Variants in PRKD1 observed in about 807,000 individuals in gnomAD.
The protein encoded by PRKD1 is protein kinase D1.
In PRKD1, 63 loss-of-function variants were observed where a neutral mutation model predicts 95.9. The ratio of observed to expected loss-of-function variants is 0.66; its 90% CI spans 0.54 to 0.81. The LOEUF (loss-of-function observed/expected upper bound fraction) is 0.81. Among genes scored for constraint, PRKD1 ranks in the 30% least tolerant of loss-of-function variants. PRKD1 has a pLI of 0.00. For synonymous variants in PRKD1, 425 were observed against 423.1 expected (o/e 1.00, Z -0.05); for missense variants, 1,048 against 1,165.3 (o/e 0.90, Z 1.47).
intron 13 of PRKD1, among the ~76,000 whole-genome samples, chr14:29,613,427 G>A (rs1201127217): frequency 6.6e-6 from 1 of 151,736 alleles, no homozygotes; most frequent in Non-Finnish European, 1.5e-5. Context: ...AAGTTACTAT[G>A]TCTTTTAAAC....
At chr14:29,886,133 G>A (rs74761726) in intron 1 of PRKD1, among the ~76,000 whole-genome samples, 2,138 of 152,194 alleles carry the variant, frequency 0.014, 49 homozygotes, top group African/African-American at 0.049. Context: ...ATTAAATGAC[G>A]GAAGGAGGAA....
At chr14:29,888,877 A>G (rs1261170890) in intron 1 of PRKD1, among the ~76,000 whole-genome samples, 3 of 152,234 alleles carry the variant, frequency 2.0e-5, no homozygotes, top group Non-Finnish European at 2.9e-5. Flanking sequence ...ACAGAAAAGC[A>G]TAAGACTTTG....
intron 17 of PRKD1, among the ~76,000 whole-genome samples, chr14:29,578,028 G>A (rs1892619720): frequency 6.6e-6 from 1 of 151,690 alleles, no homozygotes; most frequent in South Asian, 2.1e-4. Context: ...TTGCCTTTTG[G>A]TTTTGGGCTG....
intron 13 of PRKD1, among the ~76,000 whole-genome samples, chr14:29,615,490 C>T (rs1046653623): frequency 3.9e-5 from 6 of 152,180 alleles, no homozygotes; most frequent in African/African-American, 7.2e-5. Flanking sequence ...GGTGGTTGCT[C>T]GGCCTAATGG....
chr14:29,733,019 T>G (rs1247739065), intron 1 of PRKD1, among the ~76,000 whole-genome samples: 1 of 151,520 alleles, frequency 6.6e-6, no homozygotes, highest in Non-Finnish European at 1.5e-5. Context: ...TTTTTGTCTT[T>G]AGGGGAGGTT....
At chr14:29,877,694 C>G (rs1893349636) in intron 1 of PRKD1, among the ~76,000 whole-genome samples, 1 of 152,170 alleles carries the variant, frequency 6.6e-6, no homozygotes, top group Non-Finnish European at 1.5e-5. Context: ...CAGTTTCACT[C>G]TTCTGCATAT....
chr14:29,927,406 GCGGGCC>G lies in PRKD1; in HGVS notation c.101_106del (p.Gly34_Pro35del). 4.0e-6 allele frequency: 6 copies of G among 1,509,324 alleles called. No homozygotes were observed. Among genetic ancestry groups the G allele is most frequent in the Non-Finnish European group, 5.3e-6 (6 of 1,130,912 alleles). The allele number at this position is 1,509,324 out of a possible 1,614,324, so 93.5% of individuals were successfully genotyped here. A position where few individuals can be genotyped will look rare whatever the true frequency, so the allele number is the denominator to read the frequency against. On this transcript the variant is annotated inframe_deletion, in exon 1 of 18. Coordinates refer to ENST00000331968, the MANE Select transcript of PRKD1 (RefSeq NM_002742.3). ...GGCCGCGACAGGAGCCAAGAACGGC[GCGGGCC>G]CGGGCCCGGACCCTGGGACCAGTGC...
At chr14:29,884,449 AATT>A (rs1421110780) in intron 1 of PRKD1, among the ~76,000 whole-genome samples, 12 of 152,170 alleles carry the variant, frequency 7.9e-5, no homozygotes, top group Non-Finnish European at 7.3e-5. Flanking sequence ...AAGGGATATA[AATT>A]ATTTTTTCTG....
chr14:29,761,208 T>G (rs1395555086), intron 1 of PRKD1, among the ~76,000 whole-genome samples: 1 of 152,226 alleles, frequency 6.6e-6, no homozygotes, highest in Non-Finnish European at 1.5e-5. Flanking sequence ...TTAAGTATAT[T>G]TTGATAAAGA....
chr14:29,785,263 G>A (rs754266956), intron 1 of PRKD1, among the ~76,000 whole-genome samples: 17 of 152,044 alleles, frequency 1.1e-4, no homozygotes, highest in Non-Finnish European at 2.4e-4. Flanking sequence ...AGCCTTTCTG[G>A]TGGTCTTTTG....
chr14:29,820,706 T>A (rs1287150381), intron 1 of PRKD1, among the ~76,000 whole-genome samples: 1 of 152,180 alleles, frequency 6.6e-6, no homozygotes, highest in Non-Finnish European at 1.5e-5. Flanking sequence ...AATGGCCTTG[T>A]ATAACACGCT....
At chr14:29,847,836 C>G (rs1043800898) in intron 1 of PRKD1, among the ~76,000 whole-genome samples, 1 of 152,040 alleles carries the variant, frequency 6.6e-6, no homozygotes, top group Non-Finnish European at 1.5e-5. Flanking sequence ...CTATTTAAAG[C>G]ATACACACAC....
At chr14:29,663,882 A>C (rs543526670) in intron 3 of PRKD1, 23 bp from the exon 4 acceptor site, 1 of 1,605,574 alleles carries the variant, frequency 6.2e-7, no homozygotes, top group Non-Finnish European at 8.5e-7. Context: ...AATAAAAATT[A>C]TTTTTATTGA....
chr14:29,861,201 GA>G (rs201362051), intron 1 of PRKD1, among the ~76,000 whole-genome samples: 11 of 150,492 alleles, frequency 7.3e-5, no homozygotes, highest in African/African-American at 2.2e-4. Flanking sequence ...CAGCTTTGAA[GA>G]AAAAAAAATG....
chr14:29,775,259 G>A (rs563009230), intron 1 of PRKD1, among the ~76,000 whole-genome samples: 1 of 152,298 alleles, frequency 6.6e-6, no homozygotes, highest in Non-Finnish European at 1.5e-5. Flanking sequence ...TCCAACTGAG[G>A]TACCAGGTTC....
At chr14:29,712,503 C>T (rs911607239) in intron 2 of PRKD1, among the ~76,000 whole-genome samples, 1 of 152,058 alleles carries the variant, frequency 6.6e-6, no homozygotes, top group Non-Finnish European at 1.5e-5. Flanking sequence ...TGATTCAAAT[C>T]CCAATTCTTG....
At chr14:29,641,500 A>G (rs892153555) in intron 4 of PRKD1, among the ~76,000 whole-genome samples, 4 of 152,200 alleles carry the variant, frequency 2.6e-5, no homozygotes, top group African/African-American at 9.6e-5. Flanking sequence ...TGAGTTGTTT[A>G]ATTGTACTAG....
At chr14:29,903,585 G>A (rs1027362227) in intron 1 of PRKD1, among the ~76,000 whole-genome samples, 2 of 152,062 alleles carry the variant, frequency 1.3e-5, no homozygotes, top group African/African-American at 4.8e-5. Context: ...CCCCTGACAG[G>A]GAGAGTACTA....
At chr14:29,773,810 G>A (rs931523107) in intron 1 of PRKD1, among the ~76,000 whole-genome samples, 3 of 152,136 alleles carry the variant, frequency 2.0e-5, no homozygotes, top group African/African-American at 7.2e-5. Context: ...CAGGCAACCT[G>A]GAAACAGTTC....
Sources: allele counts gnomAD v4.1 joint callset (sites outside exome capture counted in the v4.1 genomes callset), GRCh38; gene constraint gnomAD v4.1.1; transcripts MANE v1.5; gene names NCBI Gene and HGNC (gene_info 2026-07-23, HGNC 2026-07-21).